SKIL: variants seen among roughly 807,000 people sequenced by gnomAD.
The protein encoded by SKIL is SKI like proto-oncogene.
A neutral mutation model predicts 69.6 loss-of-function variants in SKIL; 20 were observed. The observed-to-expected ratio is 0.29, with a 90% CI of 0.20 to 0.42. SKIL has a LOEUF of 0.42. SKIL is among the 10% of genes least tolerant of loss of function. The pLI, the probability that SKIL is intolerant of heterozygous loss-of-function variation, is 1.00. For synonymous variants in SKIL, 310 were observed against 279.9 expected, an observed-to-expected ratio of 1.11 and a Z score of -1.08; for missense variants, 745 against 783.1, an observed-to-expected ratio of 0.95 and a Z score of 0.58.
chr3:170,375,776 C>T (rs780176555), intron 2 of SKIL, among the ~76,000 whole-genome samples: 1 of 151,876 alleles, frequency 6.6e-6, no homozygotes, highest in Non-Finnish European at 1.5e-5. Flanking sequence ...ATGGGGGTCT[C>T]TCTATGTTGT....
Position 170,392,461 on chromosome 3 carries a change from TTTTG to T in SKIL, c.*51_*54del, listed in dbSNP as rs765962631. On this transcript the variant is annotated 3_prime_UTR_variant, in exon 7 of 7. Transcript: ENST00000259119. ...ATCTGTGTATTACTGACAAGGTTTT[TTTTG>T]TTTGTTGCTTGCTTTGGTAATTGAA... 2.9e-5 allele frequency: 38 copies of T among 1,314,702 alleles called. No homozygotes were observed. The Admixed American group carries it at 6.9e-4, about 24-fold the overall frequency. The allele number at this position is 1,314,702 out of a possible 1,614,324, so 81.4% of individuals were successfully genotyped here.
intron 2 of SKIL, among the ~76,000 whole-genome samples, chr3:170,380,671 A>G (rs1207699282): frequency 1.3e-5 from 2 of 151,972 alleles, no homozygotes; most frequent in Non-Finnish European, 2.9e-5. Context: ...AATAAATAAA[A>G]TAGATTTCGT....
At chr3:170,382,027 A>T (rs951563407) in intron 3 of SKIL, among the ~76,000 whole-genome samples, 51 of 152,150 alleles carry the variant, frequency 3.4e-4, no homozygotes, top group African/African-American at 1.2e-3. Flanking sequence ...GCTTGCAGTG[A>T]GCCGAGATCG....
At chr3:170,390,695 C>G (rs915592121) in intron 5 of SKIL, among the ~76,000 whole-genome samples, 1 of 152,102 alleles carries the variant, frequency 6.6e-6, no homozygotes, top group Non-Finnish European at 1.5e-5. Flanking sequence ...CCATGCTGGC[C>G]AGGCTCGAAC....
intron 4 of SKIL, among the ~76,000 whole-genome samples, chr3:170,390,005 G>C (rs1223145616): frequency 6.6e-6 from 1 of 152,168 alleles, no homozygotes; most frequent in Non-Finnish European, 1.5e-5. Flanking sequence ...CCATGAATTT[G>C]GGATGTCTTT....
intron 1 of SKIL, among the ~76,000 whole-genome samples, chr3:170,358,116 G>T (rs1168383123): frequency 6.6e-6 from 1 of 152,192 alleles, no homozygotes; most frequent in Non-Finnish European, 1.5e-5. Flanking sequence ...CCGCGGGGAT[G>T]CCCTGGTCTC....
In SKIL at chr3:170,389,995, C is replaced by A. The variant is rs113491715; in HGVS notation, c.1430-228C>A. ...TCTTAACAATATTAAGTCTTCCAAT[C>A]CATGAATTTGGGATGTCTTTCCATG... On this transcript the variant is annotated intron_variant, in intron 4 of 6. Coordinates refer to ENST00000259119, the MANE Select transcript of SKIL (RefSeq NM_005414.5). 8.1e-3 allele frequency among the ~76,000 whole-genome samples: 1,228 copies of A among 152,288 alleles called. 14 individuals are homozygous for A. Among genetic ancestry groups the A allele is most frequent in the African/African-American group, 0.028 (1,170 of 41,540 alleles).
At chr3:170,376,029 C>T (rs957373526) in intron 2 of SKIL, among the ~76,000 whole-genome samples, 12 of 145,152 alleles carry the variant, frequency 8.3e-5, no homozygotes, top group Non-Finnish European at 9.0e-5. Context: ...TCATTTAATT[C>T]AAGCTGATTT....
intron 2 of SKIL, among the ~76,000 whole-genome samples, chr3:170,371,943 T>C (rs1338747744): frequency 6.6e-6 from 1 of 152,222 alleles, no homozygotes; most frequent in Non-Finnish European, 1.5e-5. Flanking sequence ...AAATTGCCAG[T>C]TTACATTATT....
chr3:170,390,315 C>G lies in SKIL; in HGVS notation c.1522C>G (p.Leu508Val), dbSNP rs1737851405. Residue 508 changes from leucine (L) to valine (V), a missense_variant, in exon 5 of 7, where the codon CTT becomes GTT. Coordinates refer to ENST00000259119, the MANE Select transcript of SKIL (RefSeq NM_005414.5). ...AGACATAAACAAAGTGGGAATTGGC[C>G]TTGTTGCTGCCGCTTCATCTCCGCT... ...VRDINKVGIG[L>V]VAAASSPLLV... 1 of 1,613,738 alleles carries G rather than the reference C, an allele frequency of 6.2e-7. No homozygotes were observed.
At chr3:170,378,463 G>T (rs1173121539) in intron 2 of SKIL, among the ~76,000 whole-genome samples, 1 of 151,256 alleles carries the variant, frequency 6.6e-6, no homozygotes, top group Non-Finnish European at 1.5e-5. Context: ...TTAGTTTCTT[G>T]GTTCCAAACT....
At position 170,360,105 on chromosome 3, in the gene SKIL, A is replaced by G. The variant is rs1736147222; in HGVS notation, c.-227A>G. 2.3e-6 allele frequency: 1 copy of G among 425,924 alleles called. No homozygotes were observed. The allele number at this position is 425,924 out of a possible 1,614,324, so 26.4% of individuals were successfully genotyped here. On this transcript the variant is annotated 5_prime_UTR_variant, in exon 2 of 7. Coordinates refer to ENST00000259119, the MANE Select transcript of SKIL (RefSeq NM_005414.5). ...AGGTGTGCCTCTTTTCTTTATTATTAGAGGCAAAACGAACAATTTTATAGG... is the reference window on the plus strand; with the variant it reads ...AGGTGTGCCTCTTTTCTTTATTATTGGAGGCAAAACGAACAATTTTATAGG...
intron 2 of SKIL, among the ~76,000 whole-genome samples, chr3:170,371,763 A>T (rs1577420751): frequency 6.6e-6 from 1 of 152,224 alleles, no homozygotes; most frequent in African/African-American, 2.4e-5. Context: ...CATACAATGG[A>T]TGCCTTGGGG....
Position 170,360,581 on chromosome 3 carries a change from C to T in SKIL, c.250C>T (p.Pro84Ser), listed in dbSNP as rs1736176429. ...TSVPETLHLN[P>S]SLKHTLAQFH... ...TGTTCCTGAAACTTTGCATTTAAAT[C>T]CCAGTTTGAAACACACATTGGCACA... Residue 84 changes from proline to serine, a missense_variant, in exon 2 of 7, where the codon CCC (proline) becomes TCC (serine). By Grantham distance (74) the Pro-to-Ser change is moderately conservative. Coordinates refer to ENST00000259119, the MANE Select transcript of SKIL (RefSeq NM_005414.5). The T allele has an allele frequency of 6.2e-7, 1 of 1,614,072 alleles. No individual in the cohort carries two copies. Among genetic ancestry groups the T allele is most frequent in the African/African-American group, 1.3e-5 (1 of 74,920 alleles).
At chr3:170,362,861 A>T (rs551704185) in intron 2 of SKIL, among the ~76,000 whole-genome samples, 37 of 148,590 alleles carry the variant, frequency 2.5e-4, no homozygotes, top group Non-Finnish European at 4.6e-4. Flanking sequence ...TCATAATTTT[A>T]TTTTTCCTGC....
chr3:170,388,921 G>A (rs1225258960), intron 4 of SKIL, among the ~76,000 whole-genome samples: 1 of 151,748 alleles, frequency 6.6e-6, no homozygotes, highest in East Asian at 1.9e-4. Flanking sequence ...CCAGGCTGGA[G>A]TACAGTGGTG....
chr3:170,381,489 G>C, intron 3 of SKIL, 148 bp downstream of exon 3: 5 of 561,046 alleles, frequency 8.9e-6, no homozygotes, highest in Non-Finnish European at 1.6e-5. Context: ...CTGGAGTGCA[G>C]TGGCGCGATC....
In SKIL at chr3:170,395,970, G is replaced by A. The variant is rs1418975759; in HGVS notation, c.*3553G>A. Reference sequence around the variant, plus strand: ...AAGCATTTCCACTTTTGGAAGAAAAGTGTATTAGTATTTTATATTGCATTT... The same window carrying A: ...AAGCATTTCCACTTTTGGAAGAAAAATGTATTAGTATTTTATATTGCATTT... On this transcript the variant is annotated 3_prime_UTR_variant, in exon 7 of 7. Coordinates refer to ENST00000259119, the MANE Select transcript of SKIL (RefSeq NM_005414.5). 2.7e-5 allele frequency: 4 copies of A among 148,486 alleles called. No homozygotes were observed. Among genetic ancestry groups the A allele is most frequent in the East Asian group, 3.9e-4 (2 of 5,082 alleles). 9.2% of individuals were successfully genotyped at this position (148,486 alleles called of 1,614,324 possible).
In SKIL at chr3:170,393,257, ATCC is replaced by A. The variant is rs1434875148; in HGVS notation, c.*845_*847del. On this transcript the variant is annotated 3_prime_UTR_variant, in exon 7 of 7. Transcript: ENST00000259119. Reference sequence around the variant, plus strand: ...TGTATCAGTTTCTATACAATCCATAATCCTCCTGTACAGTTTTTACATGTAGTT... The same window carrying A: ...TGTATCAGTTTCTATACAATCCATAATCCTGTACAGTTTTTACATGTAGTT... 1 of 152,138 alleles carries A rather than the reference ATCC, an allele frequency of 6.6e-6. No homozygotes were observed. Among genetic ancestry groups the A allele is most frequent in the Non-Finnish European group, 1.5e-5 (1 of 68,016 alleles). The allele number at this position is 152,138 out of a possible 1,614,324, so 9.4% of individuals were successfully genotyped here. A position where few individuals can be genotyped will look rare whatever the true frequency, so the allele number is the denominator to read the frequency against.
Sources: gnomAD v4.1 joint callset for allele counts (sites outside exome capture counted in the v4.1 genomes callset) on GRCh38, gnomAD v4.1.1 for gene constraint, MANE v1.5 for transcripts, NCBI Gene and HGNC (gene_info 2026-07-23, HGNC 2026-07-21) for gene names.